The following CEP128 variants were observed in gnomAD, a reference collection of about 807,000 sequenced individuals.
The protein encoded by CEP128 is centrosomal protein 128, also known as centrosomal protein 128kDa.
CEP128 carries 132 observed loss-of-function variants against 156.7 expected under a neutral mutation model. That is an observed-to-expected ratio of 0.84 (90% CI 0.73 to 0.97). The LOEUF (loss-of-function observed/expected upper bound fraction) is 0.97, where lower values mean the gene tolerates loss of function less well. Ranked by LOEUF, CEP128 falls within the 50% of genes least tolerant of loss-of-function variation. CEP128 has a pLI of 0.00. For missense variants in CEP128, 1,252 were observed against 1,281.9 expected (o/e 0.98, Z 0.36); for synonymous variants, 469 against 448.9 (o/e 1.04, Z -0.57).
intron 19 of CEP128, among the ~76,000 whole-genome samples, chr14:80,585,224 A>C (rs1891769732): frequency 6.6e-6 from 1 of 152,212 alleles, no homozygotes. Flanking sequence ...TTTCTGCTTT[A>C]CATTTCTCTG....
chr14:80,930,514 C>T (rs549845353), intron 2 of CEP128, among the ~76,000 whole-genome samples: 2 of 152,240 alleles, frequency 1.3e-5, no homozygotes, highest in South Asian at 2.1e-4. Context: ...GCAGAAGATG[C>T]TAAAAGTGCC....
intron 19 of CEP128, among the ~76,000 whole-genome samples, chr14:80,715,528 G>A (rs1282807726): frequency 6.6e-6 from 1 of 152,158 alleles, no homozygotes; most frequent in African/African-American, 2.4e-5. Flanking sequence ...GTGAGAGCAA[G>A]TTCAAGTTAT....
At chr14:80,577,483 C>T (rs8016151) in intron 20 of CEP128, among the ~76,000 whole-genome samples, 38,046 of 151,992 alleles carry the variant, frequency 0.25, 5,257 homozygotes, top group African/African-American at 0.36. Context: ...ATTCTTAACT[C>T]CTTCCTTTTT....
chr14:80,636,328 A>G (rs1199545909), intron 19 of CEP128, among the ~76,000 whole-genome samples: 2 of 152,230 alleles, frequency 1.3e-5, no homozygotes, highest in East Asian at 1.9e-4. Context: ...ACTCAACATC[A>G]TAGTTCTTTA....
chr14:80,482,980 G>A (rs150561734), intron 14 of CEP128, among the ~76,000 whole-genome samples: 6 of 152,248 alleles, frequency 3.9e-5, no homozygotes, highest in Non-Finnish European at 7.4e-5. Flanking sequence ...AACCACAATC[G>A]GCTTGTACAT....
intron 19 of CEP128, among the ~76,000 whole-genome samples, chr14:80,662,141 T>C (rs1390969473): frequency 1.3e-5 from 2 of 152,186 alleles, no homozygotes; most frequent in African/African-American, 4.8e-5. Flanking sequence ...AGAGTACATT[T>C]GTTGAAACAC....
At chr14:80,783,851 GA>G (rs1161441584) in intron 15 of CEP128, among the ~76,000 whole-genome samples, 1 of 152,072 alleles carries the variant, frequency 6.6e-6, no homozygotes. Flanking sequence ...TAGGTTTAAT[GA>G]AATATAGTAA....
chr14:80,495,669 AT>A (rs200261098), downstream of CEP128, among the ~76,000 whole-genome samples: 1,350 of 152,028 alleles, frequency 8.9e-3, 10 homozygotes, highest in Middle Eastern at 0.041. Flanking sequence ...GTTTGGTGCA[AT>A]TTTTTTTAAA....
chr14:80,885,195 A>C (rs1423352410), intron 8 of CEP128, among the ~76,000 whole-genome samples: 1 of 152,158 alleles, frequency 6.6e-6, no homozygotes, highest in Non-Finnish European at 1.5e-5. Flanking sequence ...GGCTGTGGGC[A>C]CAGCTTCAGC....
At chr14:80,703,943 T>C (rs908421199) in intron 19 of CEP128, among the ~76,000 whole-genome samples, 10 of 152,100 alleles carry the variant, frequency 6.6e-5, no homozygotes, top group Non-Finnish European at 1.2e-4. Context: ...TTCCTCCCTA[T>C]TTTTCTTTAA....
chr14:80,866,446 T>C (rs556996238), intron 8 of CEP128, among the ~76,000 whole-genome samples: 2 of 152,112 alleles, frequency 1.3e-5, no homozygotes, highest in Non-Finnish European at 2.9e-5. Flanking sequence ...CCCCAGTGAA[T>C]ACAGGCTCCA....
chr14:80,870,202 C>G (rs1015340250), intron 8 of CEP128, among the ~76,000 whole-genome samples: 1 of 152,034 alleles, frequency 6.6e-6, no homozygotes, highest in Non-Finnish European at 1.5e-5. Flanking sequence ...CCTTCTCAAG[C>G]TCTTCCAAAA....
chr14:80,677,208 T>C (rs1301988160), intron 19 of CEP128, among the ~76,000 whole-genome samples: 2 of 152,136 alleles, frequency 1.3e-5, no homozygotes, highest in Non-Finnish European at 2.9e-5. Flanking sequence ...TATCTACAGA[T>C]ATATTACAGG....
intron 13 of CEP128, among the ~76,000 whole-genome samples, chr14:80,805,407 A>G (rs2139912222): frequency 6.6e-6 from 1 of 152,232 alleles, no homozygotes; most frequent in South Asian, 2.1e-4. Flanking sequence ...TTGCAGCAGC[A>G]GCTTCCCAAT....
At chr14:80,615,805 G>A (rs184704204) in intron 19 of CEP128, among the ~76,000 whole-genome samples, 64 of 152,118 alleles carry the variant, frequency 4.2e-4, no homozygotes, top group African/African-American at 1.2e-3. Context: ...CCAAGATGGC[G>A]CCATTGCACT....
intron 19 of CEP128, among the ~76,000 whole-genome samples, chr14:80,653,129 G>A: frequency 6.6e-6 from 1 of 152,140 alleles, no homozygotes; most frequent in Admixed American, 6.6e-5. Flanking sequence ...ATAAGTGGGA[G>A]TTGAACAATG....
intron 2 of CEP128, among the ~76,000 whole-genome samples, chr14:80,927,893 A>G (rs993591446): frequency 2.6e-5 from 4 of 152,316 alleles, no homozygotes; most frequent in African/African-American, 9.6e-5. Flanking sequence ...GATAAGCTTC[A>G]TAAGATTTCT....
In CEP128 at chr14:80,785,375, A is replaced by C. The variant is rs1229532751; in HGVS notation, c.1731T>G (p.Leu577=). 1 of 1,614,106 alleles carries C rather than the reference A, an allele frequency of 6.2e-7. No homozygotes were observed. Among genetic ancestry groups the C allele is most frequent in the Admixed American group, 1.7e-5 (1 of 60,018 alleles). The change falls in exon 15 of 25, where the codon CTT becomes CTG. Residue 577 remains leucine, a synonymous_variant. Coordinates refer to ENST00000555265, the MANE Select transcript of CEP128 (RefSeq NM_152446.5). The part of the protein sequence containing the change: ...LRDIKSHQAD[L]ELEVKNSLDT... The stretch of plus-strand genomic sequence containing the variant: ...CCAGGGAATTCTTAACTTCCAATTC[A>C]AGGTCAGCTTGATGAGACTTAATAT...
At chr14:80,833,309 T>A (rs1173070543) in intron 12 of CEP128, among the ~76,000 whole-genome samples, 1 of 151,728 alleles carries the variant, frequency 6.6e-6, no homozygotes, top group African/African-American at 2.4e-5. Context: ...TATGTATACA[T>A]ATATGTATAC....
Sources: gnomAD v4.1 joint callset for allele counts (sites outside exome capture counted in the v4.1 genomes callset) on GRCh38, gnomAD v4.1.1 for gene constraint, MANE v1.5 for transcripts, NCBI Gene and HGNC (gene_info 2026-07-23, HGNC 2026-07-21) for gene names.